The following FANCC variants were observed in gnomAD, a reference collection of about 807,000 sequenced individuals.
FANCC encodes the protein FA complementation group C.
Under a neutral mutation model 71.3 loss-of-function variants are expected in FANCC, and 55 were observed. The observed-to-expected ratio is 0.77, with a 90% CI of 0.62 to 0.97. The LOEUF is 0.97. FANCC is among the 50% of genes least tolerant of loss of function. The pLI is 0.00. For missense variants in FANCC, 678 were observed against 670.9 expected (o/e 1.01, Z -0.12); for synonymous variants, 275 against 244.9 (o/e 1.12, Z -1.15).
chr9:95,128,544 AATG>A (rs1400595605), intron 8 of FANCC, among the ~76,000 whole-genome samples: 1 of 152,240 alleles, frequency 6.6e-6, no homozygotes, highest in Non-Finnish European at 1.5e-5. Flanking sequence ...CAGCAAAGAA[AATG>A]ATGATCAGAT....
At chr9:95,141,985 G>GTTTTTTTTTTTTTT (rs1163083695) in intron 7 of FANCC, among the ~76,000 whole-genome samples, 2 of 83,136 alleles carry the variant, frequency 2.4e-5, no homozygotes, top group East Asian at 4.1e-4. Context: ...AGTTTGTGGG[G>GTTTTTTTTTTTTTT]TTTTTTTTTT....
chr9:95,217,121 A>G (rs1362243024), intron 4 of FANCC, among the ~76,000 whole-genome samples: 1 of 152,240 alleles, frequency 6.6e-6, no homozygotes, highest in Non-Finnish European at 1.5e-5. Flanking sequence ...ATAATCAGAC[A>G]CAACAAAATT....
At chr9:95,218,513 T>C (rs1257180620) in intron 4 of FANCC, among the ~76,000 whole-genome samples, 4 of 152,124 alleles carry the variant, frequency 2.6e-5, no homozygotes, top group Non-Finnish European at 4.4e-5. Context: ...ACAAAGACAC[T>C]GTAAGAAAAC....
intron 1 of FANCC, among the ~76,000 whole-genome samples, chr9:95,297,415 C>A (rs992211526): frequency 6.6e-6 from 1 of 152,180 alleles, no homozygotes; most frequent in Non-Finnish European, 1.5e-5. Flanking sequence ...TCCCTCTCTC[C>A]GTCCCTCTCT....
At chr9:95,283,555 C>G (rs556690131) in intron 1 of FANCC, among the ~76,000 whole-genome samples, 37 of 152,320 alleles carry the variant, frequency 2.4e-4, no homozygotes, top group African/African-American at 8.4e-4. Context: ...GTTTCAAACA[C>G]TTTCTTTCTC....
At chr9:95,294,512 A>G (rs1834257318) in intron 1 of FANCC, 1 of 1,570,414 alleles carries the variant, frequency 6.4e-7, no homozygotes, top group Non-Finnish European at 8.8e-7. Flanking sequence ...AGTATTCTGA[A>G]ACACTCCAGC....
At chr9:95,276,795 A>G (rs562848429) in intron 1 of FANCC, among the ~76,000 whole-genome samples, 2 of 152,334 alleles carry the variant, frequency 1.3e-5, no homozygotes, top group Admixed American at 6.5e-5. Context: ...CTTGTATTCT[A>G]TTGTACAGTA....
At chr9:95,103,912 C>A (rs1178151037) in intron 14 of FANCC, among the ~76,000 whole-genome samples, 1 of 152,194 alleles carries the variant, frequency 6.6e-6, no homozygotes, top group Non-Finnish European at 1.5e-5. Context: ...GAGATAGTGG[C>A]CTTTGCCTTG....
rs1370686943 is a variant in FANCC at position 95,229,779 on chromosome 9, AC to A, written c.345+10869del. 3.5e-5 allele frequency among the ~76,000 whole-genome samples: 5 copies of A among 143,532 alleles called. 1 individual carries two copies. The South Asian group carries it at 6.4e-4, about 19-fold the overall frequency. The allele number at this position is 143,532 out of a possible 152,430, so 94.2% of individuals were successfully genotyped here. ...CTTGTGTGCACACATGTACACACAC[AC>A]ACACACACACACACACACACACACA... On this transcript the variant is annotated intron_variant, in intron 4 of 14. Transcript: ENST00000289081.
intron 7 of FANCC, among the ~76,000 whole-genome samples, chr9:95,147,360 C>T (rs111847982): frequency 0.036 from 5,543 of 152,102 alleles, 302 homozygotes; most frequent in African/African-American, 0.12. Flanking sequence ...CTACTAAAAA[C>T]ACAAAATTAG....
chr9:95,114,322 C>G (rs1418730278), intron 12 of FANCC: 1 of 392,946 alleles, frequency 2.5e-6, no homozygotes, highest in African/African-American at 2.1e-5. Flanking sequence ...CTGCTTTTTC[C>G]AAGGCCTCTT....
At chr9:95,161,706 C>T (rs1830756316) in intron 6 of FANCC, among the ~76,000 whole-genome samples, 1 of 152,164 alleles carries the variant, frequency 6.6e-6, no homozygotes, top group Non-Finnish European at 1.5e-5. Context: ...AACTATATGT[C>T]CTTATATGCA....
At chr9:95,316,573 T>C (rs956253191) in intron 1 of FANCC, among the ~76,000 whole-genome samples, 6 of 152,230 alleles carry the variant, frequency 3.9e-5, no homozygotes, top group African/African-American at 1.4e-4. Context: ...ATGCATTAAA[T>C]GGGGCACAAG....
intron 8 of FANCC, among the ~76,000 whole-genome samples, chr9:95,128,734 C>G (rs1177464880): frequency 6.6e-6 from 1 of 152,134 alleles, no homozygotes; most frequent in Non-Finnish European, 1.5e-5. Flanking sequence ...CTTGTTCTTC[C>G]CCATACAGAT....
At chr9:95,107,387 A>AGAGGGAGC in intron 13 of FANCC, 118 bp from the exon 14 acceptor site, 2 of 1,100,310 alleles carry the variant, frequency 1.8e-6, no homozygotes, top group Non-Finnish European at 2.7e-6. Flanking sequence ...GGCCCCTGAG[A>AGAGGGAGC]GAGGGAGCTA....
At chr9:95,208,074 A>T (rs1469507712) in intron 4 of FANCC, among the ~76,000 whole-genome samples, 2 of 130,868 alleles carry the variant, frequency 1.5e-5, no homozygotes, top group African/African-American at 5.9e-5. Flanking sequence ...CTAATCCAGA[A>T]GCCTTTTTTT....
intron 1 of FANCC, among the ~76,000 whole-genome samples, chr9:95,296,706 G>A (rs559466661): frequency 6.0e-4 from 92 of 152,284 alleles, no homozygotes; most frequent in African/African-American, 2.2e-3. Context: ...ACAATATTGG[G>A]CTGGCTTTAC....
At position 95,100,700 on chromosome 9, in the gene FANCC, G is replaced by A. The variant is rs887364685; in HGVS notation, c.*1007C>T. 3 of 227,982 alleles carry A rather than the reference G, an allele frequency of 1.3e-5. No individual in the cohort carries two copies. The highest frequency in any genetic ancestry group is 6.7e-5 in the African/African-American group (3 of 45,028). The allele number at this position is 227,982 out of a possible 1,614,324, so 14.1% of individuals were successfully genotyped here. ...GGCTGGAGTGCAGTGTCATGATCTC[G>A]GCTCACTACAACTCCCACCTCCCGG... On this transcript the variant is annotated 3_prime_UTR_variant, in exon 15 of 15. Transcript: ENST00000289081.
intron 4 of FANCC, among the ~76,000 whole-genome samples, chr9:95,211,967 A>G (rs1435158459): frequency 6.6e-6 from 1 of 152,096 alleles, no homozygotes; most frequent in African/African-American, 2.4e-5. Context: ...ATACTTCAGG[A>G]GAAAGACTTA....
Sources: gnomAD v4.1 joint callset for allele counts (sites outside exome capture counted in the v4.1 genomes callset) on GRCh38, gnomAD v4.1.1 for gene constraint, MANE v1.5 for transcripts, NCBI Gene and HGNC (gene_info 2026-07-23, HGNC 2026-07-21) for gene names.